CCDC141: variants seen among roughly 807,000 people sequenced by gnomAD.
The protein encoded by CCDC141 is coiled-coil domain-containing protein 141.
In CCDC141, 168 loss-of-function variants were observed where a neutral mutation model predicts 181.0. That is an observed-to-expected ratio of 0.93 (90% CI 0.82 to 1.05). The LOEUF (loss-of-function observed/expected upper bound fraction) is 1.05, where lower values mean the gene tolerates loss of function less well. Among genes scored for constraint, CCDC141 ranks in the 50% least tolerant of loss-of-function variants. CCDC141 has a pLI of 0.00. For missense variants in CCDC141, 1,902 were observed against 1,788.5 expected (o/e 1.06, Z -1.14); for synonymous variants, 666 against 642.3 (o/e 1.04, Z -0.56).
chr2:178,816,795 A>C, the CCDC141 span, among the ~76,000 whole-genome samples: 1 of 152,202 alleles, frequency 6.6e-6, no homozygotes, highest in Non-Finnish European at 1.5e-5. Flanking sequence ...TGGGATAATT[A>C]GGGAGTATTC....
chr2:178,827,920 G>T (rs1381431234), downstream of CCDC141, among the ~76,000 whole-genome samples: 2 of 152,296 alleles, frequency 1.3e-5, no homozygotes, highest in East Asian at 1.9e-4. Context: ...AAGGGCTTTA[G>T]GGAAATATAT....
chr2:178,991,438 T>TC (rs1692049354), intron 2 of CCDC141, among the ~76,000 whole-genome samples: 1 of 152,112 alleles, frequency 6.6e-6, no homozygotes, highest in Non-Finnish European at 1.5e-5. Context: ...AAATTTTTTT[T>TC]AACTTTTGAC....
At chr2:178,977,395 G>A (rs1691167277) in intron 3 of CCDC141, among the ~76,000 whole-genome samples, 1 of 152,140 alleles carries the variant, frequency 6.6e-6, no homozygotes, top group Admixed American at 6.6e-5. Flanking sequence ...TACTAAGATA[G>A]AGTGAATCAG....
chr2:179,043,788 A>C (rs12620792), intron 2 of CCDC141, among the ~76,000 whole-genome samples: 15,329 of 152,102 alleles, frequency 0.1, 1,168 homozygotes, highest in Admixed American at 0.21. Context: ...CCTATTCAAC[A>C]CAGTATTGGA....
At chr2:178,827,294 C>T (rs747934244), downstream of CCDC141, among the ~76,000 whole-genome samples, 11 of 152,116 alleles carry the variant, frequency 7.2e-5, no homozygotes, top group Non-Finnish European at 1.2e-4. Flanking sequence ...AAATGCTCCA[C>T]GTGAGCATGA....
In CCDC141 at chr2:178,856,395, G is replaced by T; in HGVS notation, c.2727C>A (p.Leu909=). The T allele has an allele frequency of 6.4e-7, 1 of 1,562,588 alleles. No individual in the cohort carries two copies. Among genetic ancestry groups the T allele is most frequent in the South Asian group, 1.2e-5 (1 of 85,170 alleles). Residue 909 remains leucine (L), a splice_region_variant and synonymous_variant, in exon 18 of 24, where the codon CTC becomes CTA. Coordinates refer to ENST00000443758, the MANE Select transcript of CCDC141 (RefSeq NM_173648.4). ...YCAMRDEINE[L]KDSFKDIKKK... ...TTTTGATATCTTTGAATGAGTCTTT[G>T]AGCTGTAGTTCAATAAAAAGAAATA...
chr2:178,830,088 G>A lies in CCDC141; in HGVS notation c.*4085C>T, dbSNP rs1343210319. 6.6e-6 allele frequency: 1 copy of A among 152,206 alleles called. No individual in the cohort carries two copies. Among genetic ancestry groups the A allele is most frequent in the African/African-American group, 2.4e-5 (1 of 41,464 alleles). 9.4% of individuals were successfully genotyped at this position (152,206 alleles called of 1,614,324 possible). A position where few individuals can be genotyped will look rare whatever the true frequency, so the allele number is the denominator to read the frequency against. On this transcript the variant is annotated 3_prime_UTR_variant, in exon 24 of 24. Transcript: ENST00000443758. ...ATCATTTACGTAGTGTTCTAAAGAA[G>A]TACATAAATTCTGGTTTTGACAGTT... is the stretch of plus-strand genomic sequence containing the variant.
intron 11 of CCDC141, among the ~76,000 whole-genome samples, chr2:178,881,586 A>C (rs1686608479): frequency 6.6e-6 from 1 of 152,102 alleles, no homozygotes. Context: ...AAGAGGTCGC[A>C]AGTGGAAGGG....
chr2:178,884,930 A>G lies in CCDC141; in HGVS notation c.1690T>C (p.Tyr564His), dbSNP rs2154370514. ...TCTGATGACTTCAGAAATGCCACGT[A>G]AGTTTGCAGGACTTGCGATCTATAG... Reference protein sequence around the residue: ...IDYRSQVLQTYVAFLKSSEEV... With the variant: ...IDYRSQVLQTHVAFLKSSEEV... Residue 564 changes from tyrosine (Y) to histidine (H), a missense_variant, in exon 11 of 24, where the codon TAC (tyrosine) becomes CAC (histidine). Physicochemically the swap from Tyr to His is moderately conservative, Grantham distance 83. Transcript: ENST00000443758. The G allele has an allele frequency of 6.5e-7, 1 of 1,550,368 alleles. No homozygotes were observed. The highest frequency in any genetic ancestry group is 8.7e-7 in the Non-Finnish European group (1 of 1,146,820).
chr2:178,825,267 A>C (rs1575103475), downstream of CCDC141: 1 of 152,332 alleles, frequency 6.6e-6, no homozygotes, highest in East Asian at 1.9e-4. Context: ...TCTTAGAAAT[A>C]ATACTAGCAG....
chr2:178,952,387 T>C (rs1689985809), intron 5 of CCDC141, among the ~76,000 whole-genome samples: 1 of 152,204 alleles, frequency 6.6e-6, no homozygotes, highest in Admixed American at 6.5e-5. Context: ...TATTTTTTGT[T>C]TTTACAATAA....
chr2:179,005,517 T>A (rs1438828901), intron 2 of CCDC141, among the ~76,000 whole-genome samples: 1 of 152,186 alleles, frequency 6.6e-6, no homozygotes, highest in African/African-American at 2.4e-5. Context: ...AACAAGCATA[T>A]TACATTATAA....
intron 2 of CCDC141, among the ~76,000 whole-genome samples, chr2:179,023,706 G>GAGAAATATATACATATGT (rs2042751661): frequency 6.6e-6 from 1 of 152,112 alleles, no homozygotes; most frequent in Non-Finnish European, 1.5e-5. Flanking sequence ...ACACTCTTAT[G>GAGAAATATATACATATGT]AGAAATATAT....
chr2:178,907,494 C>G (rs964392997), intron 7 of CCDC141, among the ~76,000 whole-genome samples: 6 of 152,204 alleles, frequency 3.9e-5, no homozygotes, highest in African/African-American at 1.4e-4. Context: ...TTAAAACTTA[C>G]TTTTTGTAAA....
At chr2:178,881,679 A>G (rs1022531839) in intron 11 of CCDC141, among the ~76,000 whole-genome samples, 1 of 152,066 alleles carries the variant, frequency 6.6e-6, no homozygotes, top group Non-Finnish European at 1.5e-5. Context: ...TCCCATTTCA[A>G]GAGTCCAAAT....
chr2:178,828,298 C>T (rs1044926122), downstream of CCDC141, among the ~76,000 whole-genome samples: 1 of 152,146 alleles, frequency 6.6e-6, no homozygotes, highest in African/African-American at 2.4e-5. Context: ...GCGTCCTCAC[C>T]GTGTTGCGTA....
intron 2 of CCDC141, among the ~76,000 whole-genome samples, chr2:179,025,697 A>C (rs1205407472): frequency 5.9e-5 from 9 of 152,230 alleles, no homozygotes; most frequent in Admixed American, 5.9e-4. Flanking sequence ...AGTAACTTTG[A>C]AACTAGGTAA....
At chr2:178,867,241 T>C (rs1051048568) in intron 16 of CCDC141, among the ~76,000 whole-genome samples, 1 of 152,228 alleles carries the variant, frequency 6.6e-6, no homozygotes, top group African/African-American at 2.4e-5. Context: ...AGCTCTGGCC[T>C]GGATGAACTC....
intron 2 of CCDC141, among the ~76,000 whole-genome samples, chr2:178,982,073 A>C (rs1691441168): frequency 6.6e-6 from 1 of 152,154 alleles, no homozygotes; most frequent in African/African-American, 2.4e-5. Flanking sequence ...TGAAAGCCAC[A>C]ATCTACCAAA....
Sources: allele counts gnomAD v4.1 joint callset (sites outside exome capture counted in the v4.1 genomes callset), GRCh38; gene constraint gnomAD v4.1.1; transcripts MANE v1.5; gene names NCBI Gene and HGNC (gene_info 2026-07-23, HGNC 2026-07-21).